The following BAZ2A variants were observed in gnomAD, a reference collection of about 807,000 sequenced individuals.
The protein encoded by BAZ2A is bromodomain adjacent to zinc finger domain 2A.
A neutral mutation model predicts 199.9 loss-of-function variants in BAZ2A; 34 were observed. The ratio of observed to expected loss-of-function variants is 0.17; its 90% CI spans 0.13 to 0.23. BAZ2A has a LOEUF of 0.23. Ranked by LOEUF, BAZ2A falls within the 10% of genes least tolerant of loss-of-function variation. BAZ2A has a pLI of 1.00. For synonymous variants in BAZ2A, 857 were observed against 883.9 expected (o/e 0.97, Z 0.54); for missense variants, 2,002 against 2,391.1 (o/e 0.84, Z 3.39).
chr12:56,630,323 G>A lies in BAZ2A; in HGVS notation c.-201C>T. ...GGAGCCAACATGGCCGGCGGGGGAG[G>A]AGTGAGTCGGAGCCGGAGGGGGCGG... On this transcript the variant is annotated 5_prime_UTR_variant, in exon 1 of 29. Coordinates refer to ENST00000549884, the MANE Select transcript of BAZ2A (RefSeq NM_001300905.2). 1.0e-6 allele frequency: 1 copy of A among 980,028 alleles called. No homozygotes were observed. Among genetic ancestry groups the A allele is most frequent in the Non-Finnish European group, 1.2e-6 (1 of 825,042 alleles). The allele number at this position is 980,028 out of a possible 1,614,324, so 60.7% of individuals were successfully genotyped here.
rs1379414632 is a variant in BAZ2A, at chr12:56,609,880, G to A, written c.1948C>T (p.Arg650Trp). 1.2e-6 allele frequency: 2 copies of A among 1,613,254 alleles called. No homozygotes were observed. Among genetic ancestry groups the A allele is most frequent in the Non-Finnish European group, 8.5e-7 (1 of 1,179,818 alleles). ...TTCTCAGTGTTTCGAGGTCGACCCC[G>A]TTTGCCAGTAATTGCCTGAATCCTC... ...PSRIQAITGK[R>W]GRPRNTEKAK... The change falls in exon 10 of 29, where the codon CGG becomes TGG. Residue 650 changes from arginine (R) to tryptophan (W), a missense_variant. By Grantham distance (101) the Arg-to-Trp change is moderately radical. Coordinates refer to ENST00000549884, the MANE Select transcript of BAZ2A (RefSeq NM_001300905.2).
At chr12:56,631,984 G>A (rs1382741097), upstream of BAZ2A, among the ~76,000 whole-genome samples, 1 of 152,156 alleles carries the variant, frequency 6.6e-6, no homozygotes, top group African/African-American at 2.4e-5. Context: ...GTGGGCCACA[G>A]ACACAGAAGG....
chr12:56,612,438 CATT>C (rs1950588126), intron 5 of BAZ2A, among the ~76,000 whole-genome samples, 192 bp from the exon 6 acceptor site: 1 of 152,164 alleles, frequency 6.6e-6, no homozygotes, highest in Admixed American at 6.5e-5. Context: ...CTACAGATGT[CATT>C]GTGTGAAGAA....
At chr12:56,621,214 T>G (rs1475984677) in intron 1 of BAZ2A, 1 of 985,288 alleles carries the variant, frequency 1.0e-6, no homozygotes, top group Non-Finnish European at 1.2e-6. Context: ...CATTCTCTAT[T>G]TGAATCCAAG....
At position 56,597,562 on chromosome 12, in the gene BAZ2A, G is replaced by GCGCACACACACACACACACACACA. The variant is rs1555204160; in HGVS notation, c.*1055_*1056insTGTGTGTGTGTGTGTGTGTGTGCG. ...TCAAACAATACAGGGTCACAAGCAC[G>GCGCACACACACACACACACACACA]CACACACACACACACACACAGCGCG... On this transcript the variant is annotated 3_prime_UTR_variant, in exon 29 of 29. Transcript: ENST00000549884. 2.7e-4 allele frequency: 38 copies of GCGCACACACACACACACACACACA among 138,712 alleles called. No individual in the cohort carries two copies. Among genetic ancestry groups the GCGCACACACACACACACACACACA allele is most frequent in the African/African-American group, 1.1e-3 (37 of 33,646 alleles). The allele number at this position is 138,712 out of a possible 1,614,324, so 8.6% of individuals were successfully genotyped here.
In BAZ2A at chr12:56,615,917, T is replaced by C. The variant is rs1323699237; in HGVS notation, c.137-310A>G. ...TTTTTTGGTTTATTTTTTGTTTGTTTGTTTTGAGACGGAATCTCGCTATGT... is the reference window on the plus strand; with the variant it reads ...TTTTTTGGTTTATTTTTTGTTTGTTCGTTTTGAGACGGAATCTCGCTATGT... On this transcript the variant is annotated intron_variant, in intron 2 of 28. Coordinates refer to ENST00000549884, the MANE Select transcript of BAZ2A (RefSeq NM_001300905.2). 2.0e-5 allele frequency among the ~76,000 whole-genome samples: 3 copies of C among 152,130 alleles called. No homozygotes were observed. In the East Asian group the frequency reaches 5.8e-4, roughly 29 times the overall value.
rs983148298 is a variant in BAZ2A, at chr12:56,600,461, G to A, written c.4632C>T (p.Thr1544=). 1.2e-6 allele frequency: 2 copies of A among 1,613,636 alleles called. No individual in the cohort carries two copies. Among genetic ancestry groups the A allele is most frequent in the African/African-American group, 1.3e-5 (1 of 74,900 alleles). The change falls in exon 24 of 29, where the codon ACC becomes ACT. Residue 1544 remains threonine (T), a synonymous_variant. Transcript: ENST00000549884. The part of the protein sequence containing the change: ...RGWTCPSPDS[T]REDLAYCEHL... Reference sequence around the variant, plus strand: ...GCTCACAGTAGGCCAAGTCTTCACGGGTAGAGTCTGGGCTAGGACATGTCC... The same window carrying A: ...GCTCACAGTAGGCCAAGTCTTCACGAGTAGAGTCTGGGCTAGGACATGTCC...
intron 5 of BAZ2A, 42 bp from the exon 6 acceptor site, chr12:56,612,288 G>A (rs1375517267): frequency 2.9e-6 from 4 of 1,376,090 alleles, no homozygotes; most frequent in South Asian, 1.3e-5. Flanking sequence ...AAAAAAAAAA[G>A]GCATCACATA....
intron 13 of BAZ2A, 91 bp downstream of exon 13, chr12:56,605,739 G>T: frequency 4.5e-6 from 6 of 1,336,914 alleles, no homozygotes; most frequent in South Asian, 1.5e-5. Flanking sequence ...ATCTTTAATG[G>T]AAATGTCTCT....
chr12:56,615,097 G>A lies in BAZ2A; in HGVS notation c.647C>T (p.Ala216Val). 6.2e-7 allele frequency: 1 copy of A among 1,613,930 alleles called. No homozygotes were observed. The highest frequency in any genetic ancestry group is 8.5e-7 in the Non-Finnish European group (1 of 1,179,888). Residue 216 changes from alanine to valine, a missense_variant, in exon 3 of 29, where the codon GCA (alanine) becomes GTA (valine). Transcript: ENST00000549884. ...EVGSGIHPDE[A>V]AEKEMTSVVA... Reference sequence around the variant, plus strand: ...AACTGAAGTCATCTCCTTTTCTGCTGCCTCATCAGGATGGATACCACTGCC... The same window carrying A: ...AACTGAAGTCATCTCCTTTTCTGCTACCTCATCAGGATGGATACCACTGCC...
intron 1 of BAZ2A, among the ~76,000 whole-genome samples, chr12:56,624,616 CAA>C (rs67249064): frequency 1.5e-4 from 9 of 59,404 alleles, no homozygotes; most frequent in Admixed American, 1.9e-4. Flanking sequence ...TTTCAGAGAA[CAA>C]AAAAAAAAAA....
chr12:56,631,675 T>C (rs1317713847), upstream of BAZ2A, among the ~76,000 whole-genome samples: 1 of 152,150 alleles, frequency 6.6e-6, no homozygotes, highest in Non-Finnish European at 1.5e-5. Flanking sequence ...TTGCCTAAAC[T>C]GTGCAAAGCT....
chr12:56,633,173 A>T (rs1436444854), upstream of BAZ2A, among the ~76,000 whole-genome samples: 2 of 151,552 alleles, frequency 1.3e-5, no homozygotes. Context: ...TTCCTGCAGC[A>T]CCTCCCTGAC....
chr12:56,617,236 C>G (rs1233308927), intron 2 of BAZ2A, among the ~76,000 whole-genome samples, 159 bp downstream of exon 2: 1 of 152,174 alleles, frequency 6.6e-6, no homozygotes, highest in Non-Finnish European at 1.5e-5. Context: ...CTCTTCCAAC[C>G]TTAAATCAAT....
chr12:56,616,726 C>T (rs2137095619), intron 2 of BAZ2A, among the ~76,000 whole-genome samples: 1 of 152,208 alleles, frequency 6.6e-6, no homozygotes, highest in East Asian at 1.9e-4. Flanking sequence ...TTTTCTGCTA[C>T]AAGAAAGGAG....
upstream of BAZ2A, among the ~76,000 whole-genome samples, chr12:56,631,454 A>G (rs59911388): frequency 9.3e-5 from 14 of 151,300 alleles, 1 homozygote; most frequent in East Asian, 2.7e-3. Flanking sequence ...CTATCTCAAA[A>G]AAAAAAAAAA....
Position 56,611,755 on chromosome 12 carries a change from T to C in BAZ2A, c.1609+18A>G. 6.6e-7 allele frequency: 1 copy of C among 1,520,778 alleles called. No individual in the cohort carries two copies. The highest frequency in any genetic ancestry group is 8.8e-7 in the Non-Finnish European group (1 of 1,136,370). The allele number at this position is 1,520,778 out of a possible 1,614,324, so 94.2% of individuals were successfully genotyped here. ...TTCTTGGAACCAGACAGGGATAGAA[T>C]AGAATCTGGATACTCACCACTACCA... On this transcript the variant is annotated intron_variant, in intron 6 of 28. Transcript: ENST00000549884.
Position 56,595,652 on chromosome 12 carries a change from A to T in BAZ2A, c.*2966T>A, listed in dbSNP as rs1272843657. On this transcript the variant is annotated 3_prime_UTR_variant, in exon 29 of 29. Transcript: ENST00000549884. ...GAAGTGGTAAGCTGGTGATGGTCCC[A>T]TATTTGCTATGACAGGAACACAGAG... The T allele has an allele frequency of 6.6e-6, 1 of 151,906 alleles. No homozygotes were observed. Among genetic ancestry groups the T allele is most frequent in the South Asian group, 2.1e-4 (1 of 4,824 alleles). The allele number at this position is 151,906 out of a possible 1,614,324, so 9.4% of individuals were successfully genotyped here. A position where few individuals can be genotyped will look rare whatever the true frequency, so the allele number is the denominator to read the frequency against.
At chr12:56,602,339 T>C in intron 19 of BAZ2A, 147 bp from the exon 20 acceptor site, 3 of 726,342 alleles carry the variant, frequency 4.1e-6, no homozygotes. Context: ...TATATGCCAA[T>C]GAACACAGTA....
Sources: gnomAD v4.1 joint callset for allele counts (sites outside exome capture counted in the v4.1 genomes callset) on GRCh38, gnomAD v4.1.1 for gene constraint, MANE v1.5 for transcripts, NCBI Gene and HGNC (gene_info 2026-07-23, HGNC 2026-07-21) for gene names.